Variants in APBB2 observed in about 807,000 individuals in gnomAD.
The protein encoded by APBB2 is amyloid beta precursor protein binding family B member 2.
A neutral mutation model predicts 82.5 loss-of-function variants in APBB2; 38 were observed. The ratio of observed to expected loss-of-function variants is 0.46; its 90% CI spans 0.36 to 0.60. The LOEUF (loss-of-function observed/expected upper bound fraction) is 0.60. APBB2 is among the 20% of genes least tolerant of loss of function. The pLI is 0.00. For missense variants in APBB2, 772 were observed against 972.3 expected, an observed-to-expected ratio of 0.79 and a Z score of 2.74; for synonymous variants, 341 against 368.2, an observed-to-expected ratio of 0.93 and a Z score of 0.85.
chr4:41,070,986 C>A (rs1733676515), intron 3 of APBB2, among the ~76,000 whole-genome samples: 2 of 152,206 alleles, frequency 1.3e-5, no homozygotes, highest in South Asian at 2.1e-4. Flanking sequence ...TTCACTATCA[C>A]AAATGCTCTA....
intron 1 of APBB2, among the ~76,000 whole-genome samples, chr4:41,144,860 C>G (rs1486794330): frequency 6.6e-6 from 1 of 152,210 alleles, no homozygotes; most frequent in East Asian, 1.9e-4. Flanking sequence ...GGCTTATGGC[C>G]TGTAATCCCA....
chr4:40,948,340 C>G (rs568023859), intron 6 of APBB2, among the ~76,000 whole-genome samples: 1 of 152,158 alleles, frequency 6.6e-6, no homozygotes, highest in Non-Finnish European at 1.5e-5. Flanking sequence ...TCCCAGCACT[C>G]TAGGAAGCTG....
chr4:40,878,122 G>A (rs1006730749), intron 12 of APBB2, among the ~76,000 whole-genome samples: 4 of 149,664 alleles, frequency 2.7e-5, no homozygotes, highest in Middle Eastern at 3.2e-3. Flanking sequence ...TGAGGAAGGC[G>A]GATCACTTGA....
intron 12 of APBB2, among the ~76,000 whole-genome samples, chr4:40,875,148 A>G (rs1475569336): frequency 6.6e-6 from 1 of 152,238 alleles, no homozygotes; most frequent in Non-Finnish European, 1.5e-5. Context: ...CATCCTGAGC[A>G]GCAGGGAACA....
At chr4:40,898,570 T>A (rs917224397) in intron 10 of APBB2, among the ~76,000 whole-genome samples, 3 of 152,080 alleles carry the variant, frequency 2.0e-5, no homozygotes, top group Non-Finnish European at 4.4e-5. Flanking sequence ...CGGCTTTTAT[T>A]ATTATTATTG....
intron 10 of APBB2, among the ~76,000 whole-genome samples, chr4:40,917,424 C>T (rs1017781141): frequency 6.6e-6 from 1 of 152,080 alleles, no homozygotes; most frequent in Non-Finnish European, 1.5e-5. Context: ...GTACTCATCC[C>T]ACCACCTGCT....
At chr4:41,071,284 G>A (rs114346820) in intron 3 of APBB2, among the ~76,000 whole-genome samples, 7 of 152,108 alleles carry the variant, frequency 4.6e-5, no homozygotes, top group African/African-American at 1.7e-4. Flanking sequence ...CTATCTAAAA[G>A]GTTGCTTATG....
chr4:41,071,639 C>CCA (rs1733927413), intron 3 of APBB2, among the ~76,000 whole-genome samples: 1 of 152,050 alleles, frequency 6.6e-6, no homozygotes, highest in African/African-American at 2.4e-5. Context: ...AGAGATCATG[C>CCA]CACTGCACTC....
intron 1 of APBB2, among the ~76,000 whole-genome samples, chr4:41,204,494 G>A (rs1777461681): frequency 6.6e-6 from 1 of 152,206 alleles, no homozygotes; most frequent in Non-Finnish European, 1.5e-5. Flanking sequence ...CAGGTGCACT[G>A]TGGAATAGAC....
chr4:40,847,088 G>A (rs1757897019), intron 12 of APBB2, among the ~76,000 whole-genome samples: 1 of 152,246 alleles, frequency 6.6e-6, no homozygotes, highest in Admixed American at 6.5e-5. Context: ...ATAATGAAAG[G>A]ATAACGTTAT....
At chr4:40,876,482 T>C (rs973352303) in intron 12 of APBB2, among the ~76,000 whole-genome samples, 2 of 152,224 alleles carry the variant, frequency 1.3e-5, no homozygotes, top group Admixed American at 6.5e-5. Context: ...GTCTGGCTTC[T>C]TTCACTCAGC....
At chr4:40,881,407 T>TAATC in intron 12 of APBB2, 1 of 983,604 alleles carries the variant, frequency 1.0e-6, no homozygotes, top group East Asian at 1.1e-4. Context: ...AGACCCCACC[T>TAATC]AATCACTCCT....
At chr4:40,911,671 C>G (rs1472500534) in intron 10 of APBB2, among the ~76,000 whole-genome samples, 1 of 152,088 alleles carries the variant, frequency 6.6e-6, no homozygotes, top group Non-Finnish European at 1.5e-5. Flanking sequence ...AGACTGGAGC[C>G]CATATCCAAG....
intron 1 of APBB2, among the ~76,000 whole-genome samples, chr4:41,182,624 T>C (rs951563759): frequency 6.6e-6 from 1 of 152,220 alleles, no homozygotes; most frequent in African/African-American, 2.4e-5. Flanking sequence ...TGCCTGAGAC[T>C]GGGTAATTTA....
intron 1 of APBB2, among the ~76,000 whole-genome samples, chr4:41,200,447 G>T (rs1490978214): frequency 6.6e-6 from 1 of 151,894 alleles, no homozygotes; most frequent in East Asian, 1.9e-4. Context: ...AATTTAGCAA[G>T]TAAAATTCTA....
At chr4:41,081,551 A>C (rs924916028) in intron 3 of APBB2, among the ~76,000 whole-genome samples, 5 of 152,214 alleles carry the variant, frequency 3.3e-5, no homozygotes, top group African/African-American at 9.6e-5. Flanking sequence ...GCTATTTCCA[A>C]AATATATTCA....
At chr4:40,870,723 G>A (rs1765256038) in intron 12 of APBB2, among the ~76,000 whole-genome samples, 1 of 149,800 alleles carries the variant, frequency 6.7e-6, no homozygotes, top group African/African-American at 2.5e-5. Context: ...GTGTGTGTGT[G>A]TATACACACT....
chr4:40,811,345 G>GGAGT lies in APBB2; in HGVS notation c.*4743_*4746dup, dbSNP rs2154290485. On this transcript the variant is annotated 3_prime_UTR_variant, in exon 18 of 18. Coordinates refer to ENST00000508593, the MANE Select transcript of APBB2 (RefSeq NM_004307.2). ...GGGGCGGGCGGATCACCTGAGGTCA[G>GGAGT]GAGTTCGAGACCAGCCTGGCCAACG... The GGAGT allele has an allele frequency of 6.6e-6, 1 of 152,268 alleles. No individual in the cohort carries two copies. Among genetic ancestry groups the GGAGT allele is most frequent in the African/African-American group, 2.4e-5 (1 of 41,534 alleles). The allele number at this position is 152,268 out of a possible 1,614,324, so 9.4% of individuals were successfully genotyped here. A position where few individuals can be genotyped will look rare whatever the true frequency, so the allele number is the denominator to read the frequency against.
intron 3 of APBB2, among the ~76,000 whole-genome samples, chr4:41,082,475 T>C (rs1197596544): frequency 6.6e-6 from 1 of 152,166 alleles, no homozygotes; most frequent in Non-Finnish European, 1.5e-5. Flanking sequence ...AACAGTGTTA[T>C]AATAGCAGCT....
Sources: gnomAD v4.1 joint callset for allele counts (sites outside exome capture counted in the v4.1 genomes callset) on GRCh38, gnomAD v4.1.1 for gene constraint, MANE v1.5 for transcripts, NCBI Gene and HGNC (gene_info 2026-07-23, HGNC 2026-07-21) for gene names.